Variants in MCTP1 observed in about 807,000 individuals in gnomAD.
The protein encoded by MCTP1 is multiple C2 and transmembrane domain-containing protein 1.
Under a neutral mutation model 120.6 loss-of-function variants are expected in MCTP1, and 69 were observed. That is an observed-to-expected ratio of 0.57 (90% CI 0.47 to 0.70). The LOEUF is 0.70. Among genes scored for constraint, MCTP1 ranks in the 30% least tolerant of loss-of-function variants. The probability of loss-of-function intolerance (pLI) is 0.00; values close to 1 mark genes in which losing one functional copy is unlikely to be tolerated. For missense variants in MCTP1, 1,203 were observed against 1,248.8 expected, an observed-to-expected ratio of 0.96 and a Z score of 0.55; for synonymous variants, 529 against 493.1, an observed-to-expected ratio of 1.07 and a Z score of -0.96.
chr5:95,116,618 A>T (rs915575589), intron 1 of MCTP1, among the ~76,000 whole-genome samples: 4 of 152,070 alleles, frequency 2.6e-5, no homozygotes, highest in African/African-American at 9.6e-5. Context: ...TCTATAAATT[A>T]CTTTGGGCAG....
chr5:95,217,655 G>A (rs1415935888), intron 1 of MCTP1, among the ~76,000 whole-genome samples: 2 of 152,182 alleles, frequency 1.3e-5, no homozygotes, highest in African/African-American at 4.8e-5. Flanking sequence ...CTCTGAAGAA[G>A]TTCTGAGGCT....
rs145410959 is a variant in MCTP1, at chr5:95,030,448, G to A, written c.721-12964C>T. Among the ~76,000 whole-genome samples, 1,064 of 152,250 alleles carry A rather than the reference G, an allele frequency of 7.0e-3. 9 individuals are homozygous for A. Among genetic ancestry groups the A allele is most frequent in the African/African-American group, 0.024 (1,005 of 41,542 alleles). On this transcript the variant is annotated intron_variant, in intron 1 of 22. Coordinates refer to ENST00000515393, the MANE Select transcript of MCTP1 (RefSeq NM_024717.7). ...TGCTAGTCCATGAGATAAGCTTCCT[G>A]AAACTCCACACTCTCAGCCCCACAG...
At chr5:95,126,424 C>T (rs1015519418) in intron 1 of MCTP1, among the ~76,000 whole-genome samples, 2 of 152,168 alleles carry the variant, frequency 1.3e-5, no homozygotes, top group Non-Finnish European at 2.9e-5. Flanking sequence ...GAAAACCATG[C>T]ATGCATTTAT....
At chr5:95,221,765 G>T (rs1753724899) in intron 1 of MCTP1, among the ~76,000 whole-genome samples, 1 of 152,160 alleles carries the variant, frequency 6.6e-6, no homozygotes, top group African/African-American at 2.4e-5. Context: ...GATGAATCCA[G>T]CATGGGTTTT....
intron 1 of MCTP1, among the ~76,000 whole-genome samples, chr5:95,112,562 C>A (rs1582274685): frequency 6.6e-6 from 1 of 152,254 alleles, no homozygotes; most frequent in South Asian, 2.1e-4. Context: ...ATTCACTATA[C>A]TTCTAATAAT....
At chr5:94,973,863 G>C (rs72777349) in intron 2 of MCTP1, among the ~76,000 whole-genome samples, 9,163 of 152,084 alleles carry the variant, frequency 0.06, 308 homozygotes, top group Middle Eastern at 0.11. Context: ...AAGTTAGAAA[G>C]CCTGGGTTCC....
intron 19 of MCTP1, among the ~76,000 whole-genome samples, chr5:94,744,753 C>T (rs1264684824): frequency 1.3e-5 from 2 of 152,102 alleles, no homozygotes; most frequent in South Asian, 2.1e-4. Context: ...TCAGGTGATC[C>T]GCCCGTCTCG....
chr5:95,024,591 T>A (rs1838851815), intron 1 of MCTP1, among the ~76,000 whole-genome samples: 1 of 151,324 alleles, frequency 6.6e-6, no homozygotes, highest in South Asian at 2.1e-4. Context: ...TTCAACGTAG[T>A]ACTAGAAGTC....
rs369130479 is a variant in MCTP1, at chr5:94,972,935, C to CA, written c.839-19575dup. Among the ~76,000 whole-genome samples, 331 of 141,684 alleles carry CA rather than the reference C, an allele frequency of 2.3e-3. 2 individuals carry two copies. Among genetic ancestry groups the CA allele is most frequent in the African/African-American group, 6.1e-3 (238 of 38,906 alleles). 93.0% of individuals were successfully genotyped at this position (141,684 alleles called of 152,430 possible). The stretch of plus-strand genomic sequence containing the variant: ...TGAAAGGCAAAGTCCACTAAATGAA[C>CA]AAAAAAAAAACCACTGGGTTGAGGA... On this transcript the variant is annotated intron_variant, in intron 2 of 22. Coordinates refer to ENST00000515393, the MANE Select transcript of MCTP1 (RefSeq NM_024717.7).
At chr5:95,260,094 G>T (rs1758332587) in intron 1 of MCTP1, among the ~76,000 whole-genome samples, 1 of 152,266 alleles carries the variant, frequency 6.6e-6, no homozygotes, top group East Asian at 1.9e-4. Context: ...TGCTTATCCT[G>T]TATCTGTAAT....
intron 17 of MCTP1, among the ~76,000 whole-genome samples, chr5:94,814,789 C>T (rs181512325): frequency 1.8e-3 from 275 of 152,160 alleles, no homozygotes; most frequent in African/African-American, 6.1e-3. Flanking sequence ...CAAAAACAAA[C>T]CTTGGCACAG....
chr5:95,146,973 G>A lies in MCTP1; in HGVS notation c.721-129489C>T, dbSNP rs1392390929. Among the ~76,000 whole-genome samples the A allele has an allele frequency of 4.6e-5, 7 of 152,162 alleles. No individual in the cohort carries two copies. The East Asian group carries it at 5.8e-4, about 13-fold the overall frequency. ...AATGATCTAATGCTATCAGTGGGGTGTTCAAGTCCCCCACTAGTATTGTGT... is the reference window on the plus strand; with the variant it reads ...AATGATCTAATGCTATCAGTGGGGTATTCAAGTCCCCCACTAGTATTGTGT... On this transcript the variant is annotated intron_variant, in intron 1 of 22. Coordinates refer to ENST00000515393, the MANE Select transcript of MCTP1 (RefSeq NM_024717.7).
At chr5:95,259,388 T>C (rs1450706445) in intron 1 of MCTP1, among the ~76,000 whole-genome samples, 1 of 152,082 alleles carries the variant, frequency 6.6e-6, no homozygotes, top group Non-Finnish European at 1.5e-5. Context: ...CCTGGAACAG[T>C]ATATATTGGG....
intron 18 of MCTP1, among the ~76,000 whole-genome samples, chr5:94,788,365 C>T (rs998906585): frequency 5.3e-5 from 8 of 152,138 alleles, no homozygotes; most frequent in East Asian, 1.9e-4. Context: ...TCTCATACAA[C>T]GCTTTAAAAA....
chr5:94,741,345 T>C (rs974457620), intron 19 of MCTP1, among the ~76,000 whole-genome samples: 6 of 152,232 alleles, frequency 3.9e-5, no homozygotes, highest in African/African-American at 7.2e-5. Flanking sequence ...CACTCGTTTA[T>C]TCATTTCAAG....
At chr5:94,775,559 C>T (rs1233831634) in intron 19 of MCTP1, among the ~76,000 whole-genome samples, 1 of 152,122 alleles carries the variant, frequency 6.6e-6, no homozygotes, top group Non-Finnish European at 1.5e-5. Flanking sequence ...CAAACTGTGA[C>T]TTTGTGGTTG....
rs180808336 is a variant in MCTP1, at chr5:95,022,574, A to G, written c.721-5090T>C. 1.4e-3 allele frequency among the ~76,000 whole-genome samples: 217 copies of G among 152,324 alleles called. 1 individual carries two copies. Among genetic ancestry groups the G allele is most frequent in the African/African-American group, 4.1e-3 (171 of 41,584 alleles). Reference sequence around the variant, plus strand: ...AAAATGAATTATGCTAGAGGCTACAAGGATAGAAAGATATCTTTACGAGCA... The same window carrying G: ...AAAATGAATTATGCTAGAGGCTACAGGGATAGAAAGATATCTTTACGAGCA... On this transcript the variant is annotated intron_variant, in intron 1 of 22. Coordinates refer to ENST00000515393, the MANE Select transcript of MCTP1 (RefSeq NM_024717.7).
chr5:94,850,504 G>C (rs1793461656), intron 17 of MCTP1, among the ~76,000 whole-genome samples: 1 of 152,084 alleles, frequency 6.6e-6, no homozygotes. Context: ...AGCATGGAGG[G>C]GGAAAACAGG....
At chr5:94,735,782 TAA>T (rs1289732076) in intron 19 of MCTP1, among the ~76,000 whole-genome samples, 2 of 37,700 alleles carry the variant, frequency 5.3e-5, no homozygotes, top group Non-Finnish European at 9.7e-5. Context: ...ATTGCTACAC[TAA>T]AAGAGACTTT....
Sources: gnomAD v4.1 joint callset for allele counts (sites outside exome capture counted in the v4.1 genomes callset) on GRCh38, gnomAD v4.1.1 for gene constraint, MANE v1.5 for transcripts, NCBI Gene and HGNC (gene_info 2026-07-23, HGNC 2026-07-21) for gene names.